The following KCNK10 variants were observed in gnomAD, a reference collection of about 807,000 sequenced individuals.
The protein encoded by KCNK10 is potassium channel subfamily K member 10.
KCNK10 carries 25 observed loss-of-function variants against 47.7 expected under a neutral mutation model. The observed-to-expected ratio is 0.52, with a 90% CI of 0.38 to 0.73. KCNK10 has a LOEUF of 0.73. KCNK10 is among the 30% of genes least tolerant of loss of function. The pLI is 0.00. For synonymous variants in KCNK10, 303 were observed against 285.6 expected, an observed-to-expected ratio of 1.06 and a Z score of -0.61; for missense variants, 563 against 714.5, an observed-to-expected ratio of 0.79 and a Z score of 2.42.
intron 1 of KCNK10, among the ~76,000 whole-genome samples, chr14:88,314,184 T>A (rs1014340476): frequency 1.3e-5 from 2 of 152,084 alleles, no homozygotes; most frequent in Non-Finnish European, 1.5e-5. Context: ...CCAAAGGTAA[T>A]GTTATTAGGA....
chr14:88,282,654 C>A (rs1428966363), intron 1 of KCNK10, among the ~76,000 whole-genome samples: 1 of 152,186 alleles, frequency 6.6e-6, no homozygotes, highest in African/African-American at 2.4e-5. Flanking sequence ...CATTTCAGCA[C>A]AATTGCACAC....
intron 1 of KCNK10, among the ~76,000 whole-genome samples, chr14:88,269,839 G>A (rs2139761486): frequency 6.6e-6 from 1 of 152,270 alleles, no homozygotes; most frequent in African/African-American, 2.4e-5. Context: ...AGGGGACACT[G>A]AGCAACCTAT....
intron 2 of KCNK10, among the ~76,000 whole-genome samples, chr14:88,241,796 T>C (rs1886479818): frequency 6.6e-6 from 1 of 152,054 alleles, no homozygotes; most frequent in Non-Finnish European, 1.5e-5. Flanking sequence ...GTTGCCCCCT[T>C]CCCCGAGTTC....
intron 4 of KCNK10, among the ~76,000 whole-genome samples, chr14:88,222,915 T>C (rs1885863607): frequency 6.6e-6 from 1 of 152,180 alleles, no homozygotes; most frequent in African/African-American, 2.4e-5. Context: ...AGCACAAGCC[T>C]GAGTCAACGT....
At chr14:88,191,969 T>A (rs761989175) in intron 5 of KCNK10, among the ~76,000 whole-genome samples, 2 of 152,206 alleles carry the variant, frequency 1.3e-5, no homozygotes, top group African/African-American at 4.8e-5. Flanking sequence ...TAGTCTTGCA[T>A]AATTTGTGTG....
chr14:88,286,138 G>A (rs1595122784), intron 1 of KCNK10, among the ~76,000 whole-genome samples: 1 of 152,086 alleles, frequency 6.6e-6, no homozygotes, highest in East Asian at 1.9e-4. Flanking sequence ...TCAACCACCA[G>A]TCACATGAGC....
intron 4 of KCNK10, among the ~76,000 whole-genome samples, chr14:88,201,035 CAG>C (rs1406461693): frequency 1.3e-5 from 2 of 152,176 alleles, no homozygotes; most frequent in Non-Finnish European, 2.9e-5. Context: ...TGATCCAAAA[CAG>C]GGGATTAGTG....
chr14:88,295,077 T>C (rs560932813), intron 1 of KCNK10, among the ~76,000 whole-genome samples: 164 of 152,352 alleles, frequency 1.1e-3, no homozygotes, highest in African/African-American at 3.7e-3. Context: ...AAGTACCTAA[T>C]AAATACCTAT....
chr14:88,311,478 G>A (rs760536077), intron 1 of KCNK10, among the ~76,000 whole-genome samples: 3 of 151,980 alleles, frequency 2.0e-5, no homozygotes, highest in East Asian at 1.9e-4. Context: ...AAGAGACCAC[G>A]GCTCTCTTTC....
chr14:88,316,594 G>A (rs1373081106), intron 1 of KCNK10, among the ~76,000 whole-genome samples: 1 of 152,182 alleles, frequency 6.6e-6, no homozygotes, highest in Non-Finnish European at 1.5e-5. Flanking sequence ...CTGTAAACAT[G>A]CCATGCAGAG....
upstream of KCNK10, among the ~76,000 whole-genome samples, chr14:88,324,090 G>A (rs1394798667): frequency 6.6e-6 from 1 of 152,234 alleles, no homozygotes; most frequent in East Asian, 1.9e-4. Flanking sequence ...AGAGGCACGG[G>A]GGCCCCCGGA....
intron 1 of KCNK10, among the ~76,000 whole-genome samples, chr14:88,302,077 A>C (rs1341446461): frequency 6.6e-6 from 1 of 152,164 alleles, no homozygotes; most frequent in Non-Finnish European, 1.5e-5. Flanking sequence ...ATATCGTATC[A>C]GGCAGGACTT....
At chr14:88,298,812 A>C (rs1888038656) in intron 1 of KCNK10, among the ~76,000 whole-genome samples, 1 of 152,172 alleles carries the variant, frequency 6.6e-6, no homozygotes, top group Non-Finnish European at 1.5e-5. Flanking sequence ...CTAGCATGTA[A>C]GGTATCCATA....
intron 1 of KCNK10, among the ~76,000 whole-genome samples, chr14:88,300,693 G>A (rs2139789597): frequency 6.6e-6 from 1 of 152,262 alleles, no homozygotes; most frequent in East Asian, 1.9e-4. Flanking sequence ...CTCATCATAA[G>A]AATGCATCTT....
At chr14:88,246,430 C>T (rs928183286) in intron 2 of KCNK10, among the ~76,000 whole-genome samples, 5 of 152,206 alleles carry the variant, frequency 3.3e-5, no homozygotes, top group Non-Finnish European at 5.9e-5. Flanking sequence ...ATCTCTCCAC[C>T]TCCTCACACA....
chr14:88,276,120 G>A (rs774248821), intron 1 of KCNK10, among the ~76,000 whole-genome samples: 6 of 151,838 alleles, frequency 4.0e-5, no homozygotes, highest in African/African-American at 7.3e-5. Flanking sequence ...TTACTGCTAC[G>A]GTCTGAATTT....
intron 4 of KCNK10, among the ~76,000 whole-genome samples, chr14:88,212,908 A>C (rs912430450): frequency 6.6e-6 from 1 of 152,242 alleles, no homozygotes; most frequent in Non-Finnish European, 1.5e-5. Context: ...TTCACTATGC[A>C]AAGCCATCAG....
intron 2 of KCNK10, among the ~76,000 whole-genome samples, chr14:88,255,557 G>A (rs555066913): frequency 2.0e-5 from 3 of 149,840 alleles, no homozygotes; most frequent in Non-Finnish European, 4.4e-5. Flanking sequence ...TTAAAAATTA[G>A]CTGGGTCTGG....
chr14:88,311,156 C>G (rs1888320877), intron 1 of KCNK10, among the ~76,000 whole-genome samples: 1 of 152,086 alleles, frequency 6.6e-6, no homozygotes, highest in Non-Finnish European at 1.5e-5. Context: ...TGTAGGATTC[C>G]TACAAGAATA....
Sources: gnomAD v4.1 joint callset for allele counts (sites outside exome capture counted in the v4.1 genomes callset) on GRCh38, gnomAD v4.1.1 for gene constraint, MANE v1.5 for transcripts, NCBI Gene and HGNC (gene_info 2026-07-23, HGNC 2026-07-21) for gene names.